The following ANO7 variants were observed in gnomAD, a reference collection of about 807,000 sequenced individuals.
The protein encoded by ANO7 is anoctamin 7.
In ANO7, 114 loss-of-function variants were observed where a neutral mutation model predicts 115.8. That is an observed-to-expected ratio of 0.98 (90% CI 0.85 to 1.15). The LOEUF (loss-of-function observed/expected upper bound fraction) is 1.15, where lower values mean the gene tolerates loss of function less well. Among genes scored for constraint, ANO7 ranks in the 50% most tolerant of loss-of-function variants. The probability of loss-of-function intolerance (pLI) is 0.00; values close to 1 mark genes in which losing one functional copy is unlikely to be tolerated. For missense variants in ANO7, 1,302 were observed against 1,201.2 expected, an observed-to-expected ratio of 1.08 and a Z score of -1.24; for synonymous variants, 550 against 498.2, an observed-to-expected ratio of 1.10 and a Z score of -1.38.
At chr2:241,211,416 T>C (rs1423536648) in intron 15 of ANO7, among the ~76,000 whole-genome samples, 1 of 152,172 alleles carries the variant, frequency 6.6e-6, no homozygotes, top group East Asian at 1.9e-4. Flanking sequence ...CTAGCCCTGC[T>C]CTAGCCCTGG....
At chr2:241,218,748 A>G (rs2068933981) in intron 21 of ANO7, among the ~76,000 whole-genome samples, 1 of 152,202 alleles carries the variant, frequency 6.6e-6, no homozygotes, top group Non-Finnish European at 1.5e-5. Flanking sequence ...CTCGCCGAAA[A>G]AGAAATTCTT....
chr2:241,238,608 G>T, the ANO7 span: 1 of 1,434,812 alleles, frequency 7.0e-7, no homozygotes, highest in Non-Finnish European at 9.3e-7. The surrounding 1 kb of genome is among the most constrained non-coding windows in gnomAD (Gnocchi z 4.9). Context: ...CATGGGAGGC[G>T]CCACTATTAA....
intron 11 of ANO7, 110 bp from the exon 12 acceptor site, chr2:241,209,175 C>T (rs113819759): frequency 6.7e-5 from 86 of 1,285,034 alleles, no homozygotes; most frequent in Middle Eastern, 1.9e-4. Flanking sequence ...AATACACAGT[C>T]GGGGGATGTG....
Position 241,209,266 on chromosome 2 carries a change from C to A in ANO7, c.1078-19C>A. On this transcript the variant is annotated intron_variant, in intron 11 of 24. Coordinates refer to ENST00000674324, the MANE Select transcript of ANO7 (RefSeq NM_001370694.2). ...CTCCAGTCCCAAGCAAGTCTGGACG[C>A]CCCCGCTCCCTGCCACAGGCCGGCC... 1.3e-6 allele frequency: 2 copies of A among 1,544,584 alleles called. No homozygotes were observed. Among genetic ancestry groups the A allele is most frequent in the Non-Finnish European group, 1.7e-6 (2 of 1,146,022 alleles).
the ANO7 span, chr2:241,239,754 C>G: frequency 6.2e-7 from 1 of 1,614,214 alleles, no homozygotes. The surrounding 1 kb of genome is among the most constrained non-coding windows in gnomAD (Gnocchi z 4.6). Flanking sequence ...AAGACCTGGC[C>G]TCTGCGGATG....
the ANO7 span, chr2:241,238,762 G>A: frequency 6.4e-7 from 1 of 1,562,842 alleles, no homozygotes; most frequent in Non-Finnish European, 8.7e-7. This position sits in a 1 kb window ranked among gnomAD's most constrained non-coding sequence, Gnocchi z 4.9. Context: ...CTGGGGTATA[G>A]CACATTCTAA....
the ANO7 span, chr2:241,238,698 A>G: frequency 6.3e-7 from 1 of 1,589,794 alleles, no homozygotes; most frequent in Admixed American, 1.7e-5. This position sits in a 1 kb window ranked among gnomAD's most constrained non-coding sequence, Gnocchi z 4.9. Context: ...TGAAATCCCG[A>G]GTAATCTGCT....
In ANO7 at chr2:241,225,394, G is replaced by A. The variant is rs75208153; in HGVS notation, c.*1241G>A. Reference sequence around the variant, plus strand: ...CAAAAATTATTCTGGGTGTGGTGGCGGGCATCTGTAATCCCAGCTATTTGG... The same window carrying A: ...CAAAAATTATTCTGGGTGTGGTGGCAGGCATCTGTAATCCCAGCTATTTGG... On this transcript the variant is annotated 3_prime_UTR_variant, in exon 25 of 25. Transcript: ENST00000674324. 8,699 of 151,954 alleles carry A rather than the reference G, an allele frequency of 0.057. 246 individuals are homozygous for A. Among genetic ancestry groups the A allele is most frequent in the Middle Eastern group, 0.092 (27 of 294 alleles). 9.4% of individuals were successfully genotyped at this position (151,954 alleles called of 1,614,324 possible). A position where few individuals can be genotyped will look rare whatever the true frequency, so the allele number is the denominator to read the frequency against.
chr2:241,202,106 G>A (rs2068485425), intron 7 of ANO7, 88 bp from the exon 8 acceptor site: 3 of 1,128,478 alleles, frequency 2.7e-6, no homozygotes, highest in Non-Finnish European at 3.9e-6. Flanking sequence ...GCCGTCCATG[G>A]CCTTGGCCTA....
intron 2 of ANO7, among the ~76,000 whole-genome samples, chr2:241,190,420 G>T (rs2149092110): frequency 6.6e-6 from 1 of 152,336 alleles, no homozygotes; most frequent in South Asian, 2.1e-4. Flanking sequence ...AGCTCCAGGA[G>T]GGTAAGGGGG....
chr2:241,191,075 C>T (rs1040010692), intron 2 of ANO7, 119 bp from the exon 3 acceptor site: 2 of 1,116,050 alleles, frequency 1.8e-6, no homozygotes, highest in African/African-American at 3.1e-5. Flanking sequence ...CCTGAGTGTT[C>T]TGGGGCAGGG....
chr2:241,217,474 A>G, intron 19 of ANO7: 1 of 578,278 alleles, frequency 1.7e-6, no homozygotes, highest in Non-Finnish European at 3.0e-6. Context: ...AGAAGCACGG[A>G]GCGCAGGGCA....
chr2:241,192,199 C>T (rs950445183), intron 3 of ANO7, among the ~76,000 whole-genome samples: 4 of 152,214 alleles, frequency 2.6e-5, no homozygotes, highest in African/African-American at 9.6e-5. Context: ...GTGGCACATG[C>T]CTGTAATTCC....
chr2:241,200,214 C>T lies in ANO7; in HGVS notation c.543C>T (p.Asn181=). ...PEYYSCRFRV[N]KLPRFLGSDN... is the part of the protein sequence containing the mutation. ...ACTACTCCTGCCGGTTCAGAGTGAA[C>T]AAGCTGCCACGGTAAGGCAGGGGCC... is the stretch of plus-strand genomic sequence containing the variant. Residue 181 remains asparagine (N), a synonymous_variant, in exon 6 of 25, where the codon AAC becomes AAT. Transcript: ENST00000674324. 6.2e-7 allele frequency: 1 copy of T among 1,612,822 alleles called. No homozygotes were observed. Among genetic ancestry groups the T allele is most frequent in the Non-Finnish European group, 8.5e-7 (1 of 1,179,782 alleles).
At chr2:241,213,770 AGAG>A (rs565051867) in intron 17 of ANO7, among the ~76,000 whole-genome samples, 3 of 152,254 alleles carry the variant, frequency 2.0e-5, no homozygotes, top group South Asian at 4.1e-4. Context: ...TCCTTTTGGA[AGAG>A]GAGGAGGAGG....
Position 241,212,197 on chromosome 2 carries a change from C to G in ANO7, c.1665C>G (p.Phe555Leu). Reference sequence around the variant, plus strand: ...CCTCACCCGTCTACATTGCCTTCTTCAAGGGCAGGTTGGTGGGCACCTCTC... The same window carrying G: ...CCTCACCCGTCTACATTGCCTTCTTGAAGGGCAGGTTGGTGGGCACCTCTC... ...FYSSPVYIAFFKGRFVGYPGN... is the reference protein window; with the variant it reads ...FYSSPVYIAFLKGRFVGYPGN... Residue 555 changes from phenylalanine (F) to leucine (L), a missense_variant, in exon 16 of 25, where the codon TTC becomes TTG. By Grantham distance (22) the Phe-to-Leu change is conservative. Transcript: ENST00000674324. The G allele has an allele frequency of 6.2e-7, 1 of 1,613,644 alleles. No homozygotes were observed. The highest frequency in any genetic ancestry group is 8.5e-7 in the Non-Finnish European group (1 of 1,179,574).
rs1559459628 is a variant in ANO7 at position 241,223,255 on chromosome 2, G to A, written c.2391G>A (p.Leu797=). The A allele has an allele frequency of 1.2e-6, 2 of 1,614,242 alleles. No homozygotes were observed. The highest frequency in any genetic ancestry group is 1.7e-6 in the Non-Finnish European group (2 of 1,180,046). Residue 797 remains leucine (L), a synonymous_variant, in exon 22 of 25, where the codon CTG becomes CTA. Transcript: ENST00000674324. ...QTYWNLLAIR[L]AFVIVFEHVV... ...ACTGGAATCTTCTTGCCATCCGCCT[G>A]GCCTTCGTCATTGTGTTTGAGGTAG...
At chr2:241,226,844 A>G (rs1312999930), downstream of ANO7, among the ~76,000 whole-genome samples, 1 of 152,016 alleles carries the variant, frequency 6.6e-6, no homozygotes, top group Non-Finnish European at 1.5e-5. Context: ...CACTCAGGTG[A>G]CTGGGGTGGC....
chr2:241,224,434 T>C lies in ANO7; in HGVS notation c.*281T>C, dbSNP rs2069109010. The C allele has an allele frequency of 2.1e-6, 1 of 469,258 alleles. No individual in the cohort carries two copies. The highest frequency in any genetic ancestry group is 2.4e-5 in the South Asian group (1 of 41,324). 29.1% of individuals were successfully genotyped at this position (469,258 alleles called of 1,614,324 possible). On this transcript the variant is annotated 3_prime_UTR_variant, in exon 25 of 25. Transcript: ENST00000674324. ...GGGCCCCTGCACCCAAGGGACCCTGTCCCTCGGTGGCCTCCCCAGGCCCCT... is the reference window on the plus strand; with the variant it reads ...GGGCCCCTGCACCCAAGGGACCCTGCCCCTCGGTGGCCTCCCCAGGCCCCT...
Sources: gnomAD v4.1 joint callset for allele counts (sites outside exome capture counted in the v4.1 genomes callset) on GRCh38, gnomAD v4.1.1 for gene constraint, Gnocchi (gnomAD v3.1) non-coding constraint, MANE v1.5 for transcripts, NCBI Gene and HGNC (gene_info 2026-07-23, HGNC 2026-07-21) for gene names.